NCKAP5L: variants seen among roughly 807,000 people sequenced by gnomAD.
NCKAP5L encodes NCK associated protein 5 like.
Under a neutral mutation model 103.2 loss-of-function variants are expected in NCKAP5L, and 54 were observed. The observed-to-expected ratio is 0.52, with a 90% CI of 0.42 to 0.66. The LOEUF (loss-of-function observed/expected upper bound fraction) is 0.66, where lower values mean the gene tolerates loss of function less well. NCKAP5L is among the 30% of genes least tolerant of loss of function. NCKAP5L has a pLI of 0.00. For missense variants in NCKAP5L, 1,733 were observed against 1,750.6 expected (o/e 0.99, Z 0.18); for synonymous variants, 762 against 748.6 (o/e 1.02, Z -0.29).
intron 1 of NCKAP5L, among the ~76,000 whole-genome samples, chr12:49,808,098 C>G (rs914223213): frequency 6.6e-6 from 1 of 152,180 alleles, no homozygotes; most frequent in Non-Finnish European, 1.5e-5. Flanking sequence ...TATGTGTGCA[C>G]GCAGTGGTTT....
intron 3 of NCKAP5L, 151 bp from the exon 4 acceptor site, chr12:49,803,316 A>T (rs977495335): frequency 3.4e-5 from 26 of 755,802 alleles, no homozygotes; most frequent in Non-Finnish European, 5.4e-5. Context: ...TTCTCATATG[A>T]GGAATCCTGC....
rs1474190492 is a variant in NCKAP5L, at chr12:49,797,438, T to C, written c.466-44A>G. The C allele has an allele frequency of 6.3e-6, 9 of 1,432,056 alleles. No individual in the cohort carries two copies. The South Asian group carries it at 1.0e-4, about 16-fold the overall frequency. The allele number at this position is 1,432,056 out of a possible 1,614,324, so 88.7% of individuals were successfully genotyped here. On this transcript the variant is annotated intron_variant, in intron 7 of 12. Coordinates refer to ENST00000335999, the MANE Select transcript of NCKAP5L (RefSeq NM_001037806.4). The surrounding 1 kb of genome is among the most constrained non-coding windows in gnomAD (Gnocchi z 4.5). ...GCATGAGGAGGAGACCACACACAGC[T>C]GGGATCCAGTTCCAGGCCCAGGCCC...
intron 1 of NCKAP5L, among the ~76,000 whole-genome samples, chr12:49,809,256 AG>A (rs1946213915): frequency 1.3e-5 from 2 of 152,176 alleles, no homozygotes; most frequent in African/African-American, 4.8e-5. Context: ...CCAGACCAGA[AG>A]GGGTCTGTGG....
At chr12:49,802,174 G>A in intron 5 of NCKAP5L, 2 of 550,018 alleles carry the variant, frequency 3.6e-6, no homozygotes, top group Non-Finnish European at 3.2e-6. Flanking sequence ...ATTCTCTAAA[G>A]TTTATCACCC....
rs1248361339 is a variant in NCKAP5L at position 49,795,885 on chromosome 12, T to C, written c.1975A>G (p.Thr659Ala). The change falls in exon 8 of 13, where the codon ACA becomes GCA. Residue 659 changes from threonine (T) to alanine (A), a missense_variant. Coordinates refer to ENST00000335999, the MANE Select transcript of NCKAP5L (RefSeq NM_001037806.4). ...GCCGCCAGTCTGTCCCGCAGAGGTG[T>C]GCTGCCAGGATCCCCAGGTCGCCGT... ...SGRRPGDPGSTPLRDRLAALG... is the reference protein window; with the variant it reads ...SGRRPGDPGSAPLRDRLAALG... 6.5e-7 allele frequency: 1 copy of C among 1,547,698 alleles called. No homozygotes were observed. The highest frequency in any genetic ancestry group is 8.7e-7 in the Non-Finnish European group (1 of 1,153,254).
chr12:49,818,087 G>A (rs545206468), intron 1 of NCKAP5L, among the ~76,000 whole-genome samples: 6 of 151,744 alleles, frequency 4.0e-5, no homozygotes, highest in East Asian at 3.9e-4. Context: ...AGCCGAGATC[G>A]CGCTGCTGCA....
chr12:49,797,209 C>T lies in NCKAP5L; in HGVS notation c.651G>A (p.Gln217=), dbSNP rs761397884. 8.7e-6 allele frequency: 14 copies of T among 1,613,194 alleles called. No individual in the cohort carries two copies. In the African/African-American group the frequency reaches 1.1e-4, roughly 12 times the overall value. The change falls in exon 8 of 13, where the codon CAG becomes CAA. Residue 217 remains glutamine, a synonymous_variant. Coordinates refer to ENST00000335999, the MANE Select transcript of NCKAP5L (RefSeq NM_001037806.4). The surrounding 1 kb of genome is among the most constrained non-coding windows in gnomAD (Gnocchi z 4.5). ...SPATPWRPPG[Q]GPGSPEPING... is the part of the protein sequence containing the mutation. ...TGATGGGCTCTGGGGAGCCAGGCCC[C>T]TGGCCTGGAGGCCGCCAGGGGGTGG...
intron 3 of NCKAP5L, 109 bp downstream of exon 3, chr12:49,803,813 G>T: frequency 7.1e-7 from 1 of 1,406,618 alleles, no homozygotes; most frequent in Admixed American, 2.3e-5. Flanking sequence ...CAGGCCGAGA[G>T]GAAGGCCCAT....
chr12:49,816,358 G>A (rs1392804071), intron 1 of NCKAP5L, among the ~76,000 whole-genome samples: 1 of 151,964 alleles, frequency 6.6e-6, no homozygotes, highest in African/African-American at 2.4e-5. Flanking sequence ...ACATACATGG[G>A]CTCATCAGGT....
chr12:49,792,530 GAA>G lies in NCKAP5L; in HGVS notation c.3706_3707del (p.Phe1236ProfsTer4). 1 of 1,613,768 alleles carries G rather than the reference GAA, an allele frequency of 6.2e-7. No homozygotes were observed. The highest frequency in any genetic ancestry group is 8.5e-7 in the Non-Finnish European group (1 of 1,179,810). On this transcript the variant is annotated frameshift_variant, in exon 12 of 13. Transcript: ENST00000335999. LOFTEE classifies it high-confidence loss of function. The surrounding 1 kb of genome is among the most constrained non-coding windows in gnomAD (Gnocchi z 4.5). Reference protein sequence around the residue: ...PPVQLAKNWTFPNTRAAGSSS... With the variant: ...PPVQLAKNWTXPNTRAAGSSS... ...AGCTGCCGGCTGCCCTAGTATTGGG[GAA>G]GGTCCAGTTCTTGGCCAGCTGGACA... is the stretch of plus-strand genomic sequence containing the variant.
chr12:49,816,729 T>A (rs996983349), intron 1 of NCKAP5L, among the ~76,000 whole-genome samples: 1 of 151,152 alleles, frequency 6.6e-6, no homozygotes, highest in Admixed American at 6.6e-5. Context: ...CCTGAGAGGC[T>A]GAGGTTGTGG....
intron 1 of NCKAP5L, among the ~76,000 whole-genome samples, chr12:49,814,521 C>T (rs1359506938): frequency 6.6e-6 from 1 of 151,660 alleles, no homozygotes; most frequent in Non-Finnish European, 1.5e-5. Context: ...TATTTTCTTC[C>T]ATTCTGTGGG....
At chr12:49,818,143 A>AC (rs1946320697) in intron 1 of NCKAP5L, among the ~76,000 whole-genome samples, 1 of 151,968 alleles carries the variant, frequency 6.6e-6, no homozygotes, top group Admixed American at 6.6e-5. Context: ...GAAAAAAAAA[A>AC]AAACAAAAAA....
chr12:49,808,925 G>A (rs1175055397), intron 1 of NCKAP5L, among the ~76,000 whole-genome samples: 2 of 152,108 alleles, frequency 1.3e-5, no homozygotes, highest in Admixed American at 6.5e-5. Context: ...GGCTTCTCCC[G>A]CCGGAATTGC....
Position 49,796,901 on chromosome 12 carries a change from G to T in NCKAP5L, c.959C>A (p.Ala320Asp), listed in dbSNP as rs916381011. Residue 320 changes from alanine (A) to aspartate (D), a missense_variant, in exon 8 of 13, where the codon GCC becomes GAC. By Grantham distance (126) the Ala-to-Asp change is moderately radical (BLOSUM62 -2). Transcript: ENST00000335999. The stretch of plus-strand genomic sequence containing the variant: ...CAGGTTCAACTGTCTGCGGGCCAGG[G>T]CACCGAGCAGGGTGTCGGGGCTGGG... ...EAPSPDTLLG[A>D]LARRQLNLGQ... 1 of 1,610,612 alleles carries T rather than the reference G, an allele frequency of 6.2e-7. No individual in the cohort carries two copies. Among genetic ancestry groups the T allele is most frequent in the African/African-American group, 1.3e-5 (1 of 74,892 alleles).
intron 5 of NCKAP5L, chr12:49,802,184 C>A: frequency 1.9e-6 from 1 of 526,696 alleles, no homozygotes; most frequent in Admixed American, 3.4e-5. Context: ...GTTTATCACC[C>A]CTGGTGGGAG....
Position 49,792,992 on chromosome 12 carries a change from G to A in NCKAP5L, c.3341-6C>T, listed in dbSNP as rs778870696. 1 of 1,516,046 alleles carries A rather than the reference G, an allele frequency of 6.6e-7. No homozygotes were observed. The highest frequency in any genetic ancestry group is 8.8e-7 in the Non-Finnish European group (1 of 1,137,788). 93.9% of individuals were successfully genotyped at this position (1,516,046 alleles called of 1,614,324 possible). On this transcript the variant is annotated splice_region_variant and splice_polypyrimidine_tract_variant and intron_variant, in intron 10 of 12. Transcript: ENST00000335999. This position sits in a 1 kb window ranked among gnomAD's most constrained non-coding sequence, Gnocchi z 4.5. ...TCGAGTCAAGGAGCCACAGGCTGGG[G>A]AGGGGAGGGGAGGGCCCGTTAAGAG...
chr12:49,801,736 G>T (rs1298168345), intron 6 of NCKAP5L, 112 bp downstream of exon 6: 1 of 1,335,154 alleles, frequency 7.5e-7, no homozygotes, highest in Non-Finnish European at 1.0e-6. Flanking sequence ...ATGGAAGGTG[G>T]ACAGCTGATG....
At chr12:49,817,308 C>T (rs1438017775) in intron 1 of NCKAP5L, among the ~76,000 whole-genome samples, 1 of 152,050 alleles carries the variant, frequency 6.6e-6, no homozygotes, top group Non-Finnish European at 1.5e-5. Flanking sequence ...AATCCTAAAA[C>T]TCATATGGAA....
Sources: gnomAD v4.1 joint callset for allele counts (sites outside exome capture counted in the v4.1 genomes callset) on GRCh38, gnomAD v4.1.1 for gene constraint, Gnocchi (gnomAD v3.1) non-coding constraint, MANE v1.5 for transcripts, NCBI Gene and HGNC (gene_info 2026-07-23, HGNC 2026-07-21) for gene names.